CELSR1: variants seen among roughly 807,000 people sequenced by gnomAD.
CELSR1 encodes the protein adhesion G protein-coupled receptor C1.
CELSR1 carries 110 observed loss-of-function variants against 249.1 expected under a neutral mutation model. That is an observed-to-expected ratio of 0.44 (90% CI 0.38 to 0.52). The LOEUF (loss-of-function observed/expected upper bound fraction) is 0.52, where lower values mean the gene tolerates loss of function less well. Among genes scored for constraint, CELSR1 ranks in the 20% least tolerant of loss-of-function variants. The pLI, the probability that CELSR1 is intolerant of heterozygous loss-of-function variation, is 0.00. For missense variants in CELSR1, 4,109 were observed against 4,296.4 expected (o/e 0.96, Z 1.22); for synonymous variants, 2,113 against 1,900.0 (o/e 1.11, Z -2.92).
intron 1 of CELSR1, among the ~76,000 whole-genome samples, chr22:46,504,520 A>C (rs997406898): frequency 5.9e-3 from 509 of 86,192 alleles, no homozygotes; most frequent in African/African-American, 0.018. Context: ...AAAAAAAAAA[A>C]CAAAAAAAAA....
At chr22:46,420,705 CCCTCTCTGT>C (rs1328102576) in intron 5 of CELSR1, among the ~76,000 whole-genome samples, 2 of 152,166 alleles carry the variant, frequency 1.3e-5, no homozygotes, top group African/African-American at 4.8e-5. Context: ...CCTAATAGTC[CCCTCTCTGT>C]CCTCGATCTG....
At chr22:46,416,305 G>A (rs1342060104) in intron 5 of CELSR1, among the ~76,000 whole-genome samples, 1 of 152,236 alleles carries the variant, frequency 6.6e-6, no homozygotes, top group Non-Finnish European at 1.5e-5. Flanking sequence ...CACGGTGGAG[G>A]CCCCAGCGCC....
At chr22:46,425,883 C>T (rs1291163283) in intron 5 of CELSR1, among the ~76,000 whole-genome samples, 1 of 152,136 alleles carries the variant, frequency 6.6e-6, no homozygotes, top group African/African-American at 2.4e-5. Flanking sequence ...TTGAAACATC[C>T]CCCTTTTCTA....
intron 1 of CELSR1, among the ~76,000 whole-genome samples, chr22:46,487,209 A>T (rs2080321323): frequency 6.6e-6 from 1 of 152,090 alleles, no homozygotes; most frequent in Non-Finnish European, 1.5e-5. Context: ...CAAGTAACAA[A>T]TTGGATTTCC....
intron 1 of CELSR1, among the ~76,000 whole-genome samples, chr22:46,475,683 A>G (rs1265461225): frequency 6.6e-6 from 1 of 152,100 alleles, no homozygotes; most frequent in Non-Finnish European, 1.5e-5. Context: ...ACAAGGAGAA[A>G]TGAAGCTACG....
chr22:46,462,803 C>T (rs2080046703), intron 2 of CELSR1: 1 of 377,016 alleles, frequency 2.7e-6, no homozygotes, highest in South Asian at 2.0e-5. Flanking sequence ...CTCGGGGTGG[C>T]TCTTTATTTT....
rs1393877437 is a variant in CELSR1 at position 46,378,604 on chromosome 22, A to G, written c.7370T>C (p.Ile2457Thr). Residue 2457 changes from isoleucine to threonine, a missense_variant, in exon 23 of 35, where the codon ATC becomes ACC. This residue lies in a region of CELSR1 where 1,805 missense variants were observed against 1,831.6 expected (regional missense o/e 0.99). Transcript: ENST00000674500. ...GAGGATGCCCACCTCACGCCTGGAG[A>G]TATCCATGAGCACCGCAAAGCTGGC... ...HTASFAVLMD[I>T]SRRENGEVLP... 2 of 1,579,930 alleles carry G rather than the reference A, an allele frequency of 1.3e-6. No homozygotes were observed. Among genetic ancestry groups the G allele is most frequent in the Non-Finnish European group, 1.7e-6 (2 of 1,163,650 alleles).
rs374468252 is a variant in CELSR1 at position 46,396,662 on chromosome 22, G to C, written c.5786C>G (p.Pro1929Arg). Residue 1929 changes from proline (P) to arginine (R), a missense_variant, in exon 13 of 35, where the codon CCG becomes CGG. Around this residue, in one of 7 missense-constraint regions of CELSR1, gnomAD observed 1,805 missense variants for 1,831.6 expected, o/e 0.99. Coordinates refer to ENST00000674500, the MANE Select transcript of CELSR1 (RefSeq NM_001378328.1). This position sits in a 1 kb window ranked among gnomAD's most constrained non-coding sequence, Gnocchi z 6.4. ...MGACVRSPGS[P>R]QGYVCECGPS... ...CCCACACTCGCACACGTAGCCCTGC[G>C]GGGAGCCGGGGGAGCGCACGCAGGC... is the stretch of plus-strand genomic sequence containing the variant. The C allele has an allele frequency of 1.2e-6, 2 of 1,612,168 alleles. No homozygotes were observed. Among genetic ancestry groups the C allele is most frequent in the Non-Finnish European group, 1.7e-6 (2 of 1,179,198 alleles).
intron 1 of CELSR1, among the ~76,000 whole-genome samples, chr22:46,525,152 A>C (rs1045632752): frequency 3.3e-5 from 5 of 152,226 alleles, no homozygotes; most frequent in African/African-American, 1.2e-4. Flanking sequence ...CACTGAATTA[A>C]AGAGGGTCGT....
intron 1 of CELSR1, among the ~76,000 whole-genome samples, chr22:46,504,844 C>G (rs796439292): frequency 2.6e-5 from 4 of 152,262 alleles, no homozygotes; most frequent in African/African-American, 9.6e-5. Flanking sequence ...ACACACAGAC[C>G]ACACATCAAA....
Position 46,446,959 on chromosome 22 carries a change from G to T in CELSR1, c.4184-7548C>A, listed in dbSNP as rs916667906. On this transcript the variant is annotated intron_variant, in intron 2 of 34. Coordinates refer to ENST00000674500, the MANE Select transcript of CELSR1 (RefSeq NM_001378328.1). The surrounding 1 kb of genome is among the most constrained non-coding windows in gnomAD (Gnocchi z 5.5). ...CCAATTCAGGATTCCCCTGAGGGTT[G>T]GTGGTTAAGCACTTGCAGCACAGCC... 1.8e-4 allele frequency among the ~76,000 whole-genome samples: 27 copies of T among 152,060 alleles called. No homozygotes were observed. The highest frequency in any genetic ancestry group is 6.3e-4 in the African/African-American group (26 of 41,406).
intron 1 of CELSR1, among the ~76,000 whole-genome samples, chr22:46,496,632 T>A (rs1366471691): frequency 6.6e-6 from 1 of 152,176 alleles, no homozygotes; most frequent in Non-Finnish European, 1.5e-5. Flanking sequence ...TATTAATTTT[T>A]TTTTTTTACT....
chr22:46,534,431 C>G lies in CELSR1; in HGVS notation c.2740G>C (p.Val914Leu). ...CCTGAGTCCCGGTCCGTGGCAGAGA[C>G]CTGGAGGATGCTGGTCGAGGGTGGA... Reference protein sequence around the residue: ...DAPPSTSILQVSATDRDSGPN... With the variant: ...DAPPSTSILQLSATDRDSGPN... The change falls in exon 1 of 35, where the codon GTC (valine) becomes CTC (leucine). Residue 914 changes from valine (V) to leucine (L), a missense_variant. By Grantham distance (32) the Val-to-Leu change is conservative. This residue lies in a region of CELSR1 where 886 missense variants were observed against 896.5 expected (regional missense o/e 0.99). Transcript: ENST00000674500. The surrounding 1 kb of genome is among the most constrained non-coding windows in gnomAD (Gnocchi z 9.7). 6.2e-7 allele frequency: 1 copy of G among 1,612,998 alleles called. No homozygotes were observed. Among genetic ancestry groups the G allele is most frequent in the Non-Finnish European group, 8.5e-7 (1 of 1,180,026 alleles).
chr22:46,432,604 T>C (rs910865931), intron 5 of CELSR1, among the ~76,000 whole-genome samples: 2 of 152,154 alleles, frequency 1.3e-5, no homozygotes, highest in East Asian at 1.9e-4. Context: ...CAAAAAACAA[T>C]GTGTTTCCTT....
rs2079214501 is a variant in CELSR1, at chr22:46,401,932, CA to C, written c.5227-2031del. Among the ~76,000 whole-genome samples, 1 of 151,982 alleles carries C rather than the reference CA, an allele frequency of 6.6e-6. No homozygotes were observed. The highest frequency in any genetic ancestry group is 1.5e-5 in the Non-Finnish European group (1 of 67,996). On this transcript the variant is annotated intron_variant, in intron 9 of 34. Coordinates refer to ENST00000674500, the MANE Select transcript of CELSR1 (RefSeq NM_001378328.1). The surrounding 1 kb of genome is among the most constrained non-coding windows in gnomAD (Gnocchi z 4.7). The stretch of plus-strand genomic sequence containing the variant: ...TGAAACCCCATCTCTACTAAAAATA[CA>C]AAAAATTAGCTGGGCGTGGTGGCAG...
rs1602173223 is a variant in CELSR1 at position 46,463,856 on chromosome 22, T to G, written c.4034A>C (p.Asn1345Thr). The change falls in exon 2 of 35, where the codon AAC (asparagine) becomes ACC (threonine). Residue 1345 changes from asparagine to threonine, a missense_variant. Physicochemically the swap from Asn to Thr is moderately conservative, Grantham distance 65 (BLOSUM62 0). Coordinates refer to ENST00000674500, the MANE Select transcript of CELSR1 (RefSeq NM_001378328.1). ...GGGCGGGCAGCGGCAGCGCAGGCCG[T>G]TGATGGGGTGGATGGGCCGGAAGAG... Reference protein sequence around the residue: ...TVLFRPIHPINGLRCRCPPGF... With the variant: ...TVLFRPIHPITGLRCRCPPGF... The G allele has an allele frequency of 6.2e-7, 1 of 1,612,314 alleles. No homozygotes were observed.
At chr22:46,516,118 A>T (rs1292149272) in intron 1 of CELSR1, among the ~76,000 whole-genome samples, 1 of 152,186 alleles carries the variant, frequency 6.6e-6, no homozygotes, top group Non-Finnish European at 1.5e-5. Context: ...TATATACCCA[A>T]AGGATTATAA....
chr22:46,389,855 T>C (rs758341619), intron 17 of CELSR1, among the ~76,000 whole-genome samples: 4 of 151,362 alleles, frequency 2.6e-5, no homozygotes, highest in Non-Finnish European at 5.9e-5. Context: ...CCAGGGAGGC[T>C]GAGGCAGAAT....
rs991255594 is a variant in CELSR1 at position 46,395,001 on chromosome 22, G to A, written c.5844-739C>T. ...CCACCTGCCTGCAACGGCCCCGCCCGAGTGTCCTGCGGGCTCCTGCAATCC... is the reference window on the plus strand; with the variant it reads ...CCACCTGCCTGCAACGGCCCCGCCCAAGTGTCCTGCGGGCTCCTGCAATCC... On this transcript the variant is annotated intron_variant, in intron 13 of 34. Coordinates refer to ENST00000674500, the MANE Select transcript of CELSR1 (RefSeq NM_001378328.1). This position sits in a 1 kb window ranked among gnomAD's most constrained non-coding sequence, Gnocchi z 5.5. 7.9e-5 allele frequency among the ~76,000 whole-genome samples: 12 copies of A among 152,162 alleles called. No individual in the cohort carries two copies. Among genetic ancestry groups the A allele is most frequent in the South Asian group, 4.1e-4 (2 of 4,826 alleles).
Sources: gnomAD v4.1 joint callset for allele counts (sites outside exome capture counted in the v4.1 genomes callset) on GRCh38, gnomAD v4.1.1 for gene constraint, gnomAD v4.1.1 regional missense constraint, Gnocchi (gnomAD v3.1) non-coding constraint, MANE v1.5 for transcripts, NCBI Gene and HGNC (gene_info 2026-07-23, HGNC 2026-07-21) for gene names.